Variants in TCERG1L observed in about 807,000 individuals in gnomAD.
TCERG1L encodes transcription elongation regulator 1 like, also known as transcription elongation regulator 1-like protein.
Under a neutral mutation model 56.3 loss-of-function variants are expected in TCERG1L, and 37 were observed. The ratio of observed to expected loss-of-function variants is 0.66; its 90% CI spans 0.51 to 0.87. TCERG1L has a LOEUF of 0.87. Among genes scored for constraint, TCERG1L ranks in the 40% least tolerant of loss-of-function variants. The pLI is 0.00. For synonymous variants in TCERG1L, 324 were observed against 326.3 expected (o/e 0.99, Z 0.08); for missense variants, 799 against 774.2 (o/e 1.03, Z -0.38).
At chr10:131,185,624 A>AT (rs1845231311) in intron 4 of TCERG1L, among the ~76,000 whole-genome samples, 1 of 152,234 alleles carries the variant, frequency 6.6e-6, no homozygotes, top group Non-Finnish European at 1.5e-5. Flanking sequence ...AACGGCGAAC[A>AT]GGCATGTGAA....
Position 131,311,507 on chromosome 10 carries a change from CACCATCCAG to C in TCERG1L, c.120_128del (p.Trp41_Val43del). ...GCCGGAGCAGCCCGGCCGAGCCCGG[CACCATCCAG>C]ACCCAGGGCGGCGGCGGCGGCGGCT... On this transcript the variant is annotated inframe_deletion, in exon 1 of 12. Coordinates refer to ENST00000368642, the MANE Select transcript of TCERG1L (RefSeq NM_174937.4). The surrounding 1 kb of genome is among the most constrained non-coding windows in gnomAD (Gnocchi z 4.0). 8.3e-7 allele frequency: 1 copy of C among 1,210,532 alleles called. No homozygotes were observed. The highest frequency in any genetic ancestry group is 1.0e-6 in the Non-Finnish European group (1 of 970,684). 75.0% of individuals were successfully genotyped at this position (1,210,532 alleles called of 1,614,324 possible).
intron 5 of TCERG1L, among the ~76,000 whole-genome samples, chr10:131,165,113 A>G (rs1846017650): frequency 6.6e-6 from 1 of 152,270 alleles, no homozygotes; most frequent in African/African-American, 2.4e-5. Flanking sequence ...AGCTCAACCA[A>G]GTAAGTCTGT....
intron 10 of TCERG1L, among the ~76,000 whole-genome samples, chr10:131,102,186 G>C (rs1329892623): frequency 6.6e-6 from 1 of 152,168 alleles, no homozygotes; most frequent in Admixed American, 6.5e-5. Context: ...TTTCTTTATA[G>C]AAAATGAAAC....
intron 4 of TCERG1L, among the ~76,000 whole-genome samples, chr10:131,216,300 G>A (rs1845668237): frequency 6.6e-6 from 1 of 152,114 alleles, no homozygotes; most frequent in South Asian, 2.1e-4. Flanking sequence ...GGGGCAAAGA[G>A]GAGCTCCCAG....
intron 4 of TCERG1L, among the ~76,000 whole-genome samples, chr10:131,253,723 G>A (rs538065614): frequency 5.3e-5 from 8 of 152,236 alleles, no homozygotes; most frequent in South Asian, 2.1e-4. Flanking sequence ...CGACCAACAC[G>A]CCAGAGCATC....
chr10:131,141,978 C>T (rs1845743689), intron 7 of TCERG1L, among the ~76,000 whole-genome samples: 1 of 152,132 alleles, frequency 6.6e-6, no homozygotes. Context: ...CACCCTCACA[C>T]TCGACTTTCT....
intron 5 of TCERG1L, among the ~76,000 whole-genome samples, chr10:131,165,221 G>T (rs889527568): frequency 6.6e-6 from 1 of 152,144 alleles, no homozygotes; most frequent in Non-Finnish European, 1.5e-5. Context: ...AGAGATGCCA[G>T]CCCAGAGGGA....
chr10:131,145,570 AT>A (rs1274924008), intron 7 of TCERG1L, among the ~76,000 whole-genome samples: 1 of 152,252 alleles, frequency 6.6e-6, no homozygotes, highest in African/African-American at 2.4e-5. Flanking sequence ...AAAAATGCTG[AT>A]AAAACTTTTA....
At position 131,273,547 on chromosome 10, in the gene TCERG1L, T is replaced by C. The variant is rs978000578; in HGVS notation, c.671-13103A>G. Among the ~76,000 whole-genome samples the C allele has an allele frequency of 5.3e-5, 8 of 152,186 alleles. No homozygotes were observed. In the East Asian group the frequency reaches 1.5e-3, roughly 29 times the overall value. On this transcript the variant is annotated intron_variant, in intron 3 of 11. Coordinates refer to ENST00000368642, the MANE Select transcript of TCERG1L (RefSeq NM_174937.4). The stretch of plus-strand genomic sequence containing the variant: ...AGGTGACTCTCAAAGTGAAACGCAG[T>C]GGTGGGGGCTGACCCCAATGGTGGG...
At chr10:131,261,569 T>C (rs1229445424) in intron 3 of TCERG1L, among the ~76,000 whole-genome samples, 2 of 152,206 alleles carry the variant, frequency 1.3e-5, no homozygotes, top group African/African-American at 2.4e-5. Context: ...CATGATACAG[T>C]AGGCAAAGAA....
At chr10:131,183,529 C>T (rs891290507) in intron 4 of TCERG1L, among the ~76,000 whole-genome samples, 2 of 152,100 alleles carry the variant, frequency 1.3e-5, no homozygotes, top group Admixed American at 1.3e-4. Flanking sequence ...TTTCAGTGGC[C>T]CCTCACCCTC....
intron 4 of TCERG1L, among the ~76,000 whole-genome samples, chr10:131,214,302 G>C (rs1442042091): frequency 6.6e-6 from 1 of 151,722 alleles, no homozygotes; most frequent in African/African-American, 2.4e-5. Flanking sequence ...GGGACCCCCA[G>C]GGAGTCTGGA....
intron 3 of TCERG1L, among the ~76,000 whole-genome samples, chr10:131,302,622 T>C (rs995367551): frequency 4.2e-5 from 6 of 141,578 alleles, no homozygotes; most frequent in African/African-American, 7.8e-5. Flanking sequence ...TTTTTTTTTT[T>C]CTCAATTTTT....
chr10:131,247,601 T>C (rs1846053425), intron 4 of TCERG1L, among the ~76,000 whole-genome samples: 1 of 152,126 alleles, frequency 6.6e-6, no homozygotes, highest in Non-Finnish European at 1.5e-5. Flanking sequence ...ATAGAACACA[T>C]GTGGTGAAAA....
intron 5 of TCERG1L, among the ~76,000 whole-genome samples, chr10:131,165,821 C>T (rs865931317): frequency 6.6e-6 from 1 of 152,146 alleles, no homozygotes; most frequent in Non-Finnish European, 1.5e-5. Flanking sequence ...TTATGATTTC[C>T]TGTTGGTGAT....
At chr10:131,199,540 G>T (rs1176792177) in intron 4 of TCERG1L, among the ~76,000 whole-genome samples, 2 of 150,156 alleles carry the variant, frequency 1.3e-5, no homozygotes, top group Admixed American at 6.7e-5. Context: ...CCAATACCTT[G>T]TTGCTGAGAA....
intron 4 of TCERG1L, among the ~76,000 whole-genome samples, chr10:131,249,833 G>A (rs1314841929): frequency 6.6e-6 from 1 of 152,096 alleles, no homozygotes; most frequent in Non-Finnish European, 1.5e-5. Context: ...ATCGTTGCAG[G>A]GAAACAAAAG....
chr10:131,296,205 C>G (rs1355309383), intron 3 of TCERG1L, among the ~76,000 whole-genome samples: 1 of 152,166 alleles, frequency 6.6e-6, no homozygotes, highest in African/African-American at 2.4e-5. Context: ...AAGGTCACAA[C>G]ATTTTTCTTC....
At chr10:131,187,207 C>T (rs1054265140) in intron 4 of TCERG1L, among the ~76,000 whole-genome samples, 2 of 152,228 alleles carry the variant, frequency 1.3e-5, no homozygotes, top group African/African-American at 2.4e-5. Context: ...AGCAGAGGCA[C>T]GTCGGTCAAA....
Sources: gnomAD v4.1 joint callset for allele counts (sites outside exome capture counted in the v4.1 genomes callset) on GRCh38, gnomAD v4.1.1 for gene constraint, Gnocchi (gnomAD v3.1) non-coding constraint, MANE v1.5 for transcripts, NCBI Gene and HGNC (gene_info 2026-07-23, HGNC 2026-07-21) for gene names.